DMKN: variants seen among roughly 807,000 people sequenced by gnomAD.
DMKN encodes the protein dermokine.
DMKN carries 58 observed loss-of-function variants against 67.6 expected under a neutral mutation model. The ratio of observed to expected loss-of-function variants is 0.86; its 90% CI spans 0.69 to 1.07. DMKN has a LOEUF of 1.07. Among genes scored for constraint, DMKN ranks in the 50% least tolerant of loss-of-function variants. DMKN has a pLI of 0.00. For synonymous variants in DMKN, 240 were observed against 232.3 expected (o/e 1.03, Z -0.30); for missense variants, 596 against 601.5 (o/e 0.99, Z 0.10).
rs1340421735 is a variant in DMKN at position 35,513,391 on chromosome 19, C to T, written c.85G>A (p.Glu29Lys). Residue 29 changes from glutamate to lysine, a missense_variant, in exon 1 of 16, where the codon GAA (glutamate) becomes AAA (lysine). Physicochemically the swap from Glu to Lys is moderately conservative, Grantham distance 56. Coordinates refer to ENST00000339686, the MANE Select transcript of DMKN (RefSeq NM_033317.5). ...GEAGPLQSGE[E>K]STGTNIGEAL... ...TCCCCAATATTTGTCCCAGTGCTTTCCTCTCCGCTCTGCAGGGGGCCAGCC... is the reference window on the plus strand; with the variant it reads ...TCCCCAATATTTGTCCCAGTGCTTTTCTCTCCGCTCTGCAGGGGGCCAGCC... 1.2e-6 allele frequency: 2 copies of T among 1,609,706 alleles called. No homozygotes were observed. Among genetic ancestry groups the T allele is most frequent in the African/African-American group, 2.7e-5 (2 of 74,938 alleles).
At chr19:35,499,259 C>T in intron 13 of DMKN, 1 of 327,128 alleles carries the variant, frequency 3.1e-6, no homozygotes. Context: ...GCAGTAGAAG[C>T]TGCATGTCCC....
Position 35,502,128 on chromosome 19 carries a change from C to T in DMKN, c.1239+8G>A, listed in dbSNP as rs2068504992. On this transcript the variant is annotated splice_region_variant and intron_variant, in intron 11 of 15. Transcript: ENST00000339686. ...TGTCCCAGAGCTGAGAAGTCCTGCCCCCCTTACCTCAATAATTGCTTTCCA... is the reference window on the plus strand; with the variant it reads ...TGTCCCAGAGCTGAGAAGTCCTGCCTCCCTTACCTCAATAATTGCTTTCCA... 2 of 1,614,182 alleles carry T rather than the reference C, an allele frequency of 1.2e-6. No individual in the cohort carries two copies. Among genetic ancestry groups the T allele is most frequent in the Non-Finnish European group, 8.5e-7 (1 of 1,180,044 alleles).
chr19:35,512,340 G>A (rs1482097401), intron 3 of DMKN, 81 bp downstream of exon 3: 2 of 1,549,178 alleles, frequency 1.3e-6, no homozygotes, highest in East Asian at 4.5e-5. Flanking sequence ...CCCCCATCTT[G>A]CTTTCCTCTT....
At chr19:35,497,561 G>A (rs1217163000) in intron 15 of DMKN, 23 bp from the exon 16 acceptor site, 3 of 152,214 alleles carry the variant, frequency 2.0e-5, no homozygotes, top group Non-Finnish European at 4.4e-5. Context: ...AAATCAAATG[G>A]TAGCACGTGG....
chr19:35,498,414 G>A, intron 15 of DMKN: 2 of 459,736 alleles, frequency 4.4e-6, no homozygotes, highest in South Asian at 5.9e-5. Flanking sequence ...TTGCTATATT[G>A]CCCAGTCTGG....
chr19:35,506,942 T>A, intron 7 of DMKN: 1 of 198,734 alleles, frequency 5.0e-6, no homozygotes, highest in South Asian at 8.0e-5. Flanking sequence ...TACCTGGGAT[T>A]ACAGGTGTGA....
chr19:35,507,024 T>A (rs1430657953), intron 7 of DMKN: 3 of 175,966 alleles, frequency 1.7e-5, no homozygotes, highest in South Asian at 1.2e-4. Flanking sequence ...CTCAGGCTGG[T>A]CTCAAACTTC....
In DMKN at chr19:35,498,971, A is replaced by G. The variant is rs1316286179; in HGVS notation, c.1360-74T>C. 3 of 1,610,346 alleles carry G rather than the reference A, an allele frequency of 1.9e-6. No homozygotes were observed. In the South Asian group the frequency reaches 3.3e-5, roughly 18 times the overall value. On this transcript the variant is annotated intron_variant, in intron 13 of 15. Coordinates refer to ENST00000339686, the MANE Select transcript of DMKN (RefSeq NM_033317.5). ...CTCTGCCATGGCCTCCACGCTCATG[A>G]AGGGCCCAGCAGCAAGGGCAGGCTC...
intron 7 of DMKN, chr19:35,509,414 C>T (rs2070285225): frequency 6.5e-6 from 1 of 153,590 alleles, no homozygotes; most frequent in African/African-American, 2.4e-5. Flanking sequence ...CAACGCCTCA[C>T]CCAGGAGCTT....
chr19:35,500,968 C>G (rs896314500), intron 11 of DMKN, among the ~76,000 whole-genome samples: 36 of 152,186 alleles, frequency 2.4e-4, no homozygotes, highest in African/African-American at 8.4e-4. Context: ...CCCTGCACAC[C>G]GACGCCATGC....
At chr19:35,503,613 C>T (rs1209528747) in intron 9 of DMKN, among the ~76,000 whole-genome samples, 1 of 151,932 alleles carries the variant, frequency 6.6e-6, no homozygotes, top group Non-Finnish European at 1.5e-5. Flanking sequence ...GTAGCTGGGA[C>T]TACAGGCGCA....
intron 11 of DMKN, 106 bp downstream of exon 11, chr19:35,502,030 G>A (rs1196525700): frequency 1.3e-6 from 2 of 1,596,972 alleles, no homozygotes; most frequent in African/African-American, 1.3e-5. Flanking sequence ...CAAAGCCTGG[G>A]AAAGTGGGAA....
chr19:35,506,101 A>C lies in DMKN; in HGVS notation c.1039-115T>G, dbSNP rs1207548937. ...TTGTGTGACACCATGGTCCCAGCCCAAGGTGGAGTGTTGCCTCCACTCACC... is the reference window on the plus strand; with the variant it reads ...TTGTGTGACACCATGGTCCCAGCCCCAGGTGGAGTGTTGCCTCCACTCACC... On this transcript the variant is annotated intron_variant, in intron 7 of 15. Coordinates refer to ENST00000339686, the MANE Select transcript of DMKN (RefSeq NM_033317.5). 3 of 1,598,734 alleles carry C rather than the reference A, an allele frequency of 1.9e-6. No homozygotes were observed. The African/African-American group carries it at 4.0e-5, about 21-fold the overall frequency.
At chr19:35,502,321 G>A (rs1013679062) in intron 10 of DMKN, 138 bp from the exon 11 acceptor site, 23 of 770,432 alleles carry the variant, frequency 3.0e-5, no homozygotes, top group African/African-American at 1.4e-4. Context: ...AGGTAAGCAC[G>A]TGGGAGATTG....
intron 7 of DMKN, chr19:35,507,405 C>T: frequency 6.7e-7 from 1 of 1,495,630 alleles, no homozygotes; most frequent in Non-Finnish European, 9.1e-7. Context: ...AGGATCTTAG[C>T]ATGCTTCACC....
rs1237970866 is a variant in DMKN at position 35,505,663 on chromosome 19, G to A, written c.1134+55C>T. 29 of 1,608,252 alleles carry A rather than the reference G, an allele frequency of 1.8e-5. No individual in the cohort carries two copies. In the African/African-American group the frequency reaches 1.9e-4, roughly 10 times the overall value. On this transcript the variant is annotated intron_variant, in intron 9 of 15. Transcript: ENST00000339686. Reference sequence around the variant, plus strand: ...TCACTGTTTCCCCAGCTCACAGAGCGGAGGTTTAGCTTTCTTCCCTATAGC... The same window carrying A: ...TCACTGTTTCCCCAGCTCACAGAGCAGAGGTTTAGCTTTCTTCCCTATAGC...
chr19:35,505,866 C>T (rs2069388553), intron 8 of DMKN, 73 bp downstream of exon 8: 1 of 1,613,588 alleles, frequency 6.2e-7, no homozygotes, highest in Admixed American at 1.7e-5. Context: ...GAAAGAGGAC[C>T]CCAGACTGTG....
At position 35,511,468 on chromosome 19, in the gene DMKN, A is replaced by G. The variant is rs749988240; in HGVS notation, c.861T>C (p.Gly287=). 1,616 of 1,095,930 alleles carry G rather than the reference A, an allele frequency of 1.5e-3. 3 individuals carry two copies. Among genetic ancestry groups the G allele is most frequent in the African/African-American group, 9.7e-3 (354 of 36,618 alleles). 67.9% of individuals were successfully genotyped at this position (1,095,930 alleles called of 1,614,324 possible). Residue 287 remains glycine, a synonymous_variant, in exon 5 of 16, where the codon GGT becomes GGC. Transcript: ENST00000339686. ...SSGGSSGGSS[G]GSSGNSGGSR... ...TGCCACCACTGTTGCCACTGCTGCC[A>G]CCACTGCTGCCGCCACTGCTGCCGC...
chr19:35,507,406 A>G (rs2069778290), intron 7 of DMKN: 1 of 1,499,286 alleles, frequency 6.7e-7, no homozygotes. Flanking sequence ...GGATCTTAGC[A>G]TGCTTCACCA....
Sources: allele counts gnomAD v4.1 joint callset (sites outside exome capture counted in the v4.1 genomes callset), GRCh38; gene constraint gnomAD v4.1.1; transcripts MANE v1.5; gene names NCBI Gene and HGNC (gene_info 2026-07-23, HGNC 2026-07-21).